Variants in ZNRF3 observed in about 807,000 individuals in gnomAD.
ZNRF3 encodes zinc and ring finger 3.
A neutral mutation model predicts 72.5 loss-of-function variants in ZNRF3; 23 were observed. The ratio of observed to expected loss-of-function variants is 0.32; its 90% CI spans 0.23 to 0.45. The LOEUF is 0.45. ZNRF3 is among the 20% of genes least tolerant of loss of function. ZNRF3 has a pLI of 1.00. For synonymous variants in ZNRF3, 610 were observed against 545.3 expected, an observed-to-expected ratio of 1.12 and a Z score of -1.65; for missense variants, 1,169 against 1,272.1, an observed-to-expected ratio of 0.92 and a Z score of 1.23.
chr22:28,998,952 A>G (rs964694478), intron 2 of ZNRF3, among the ~76,000 whole-genome samples: 2 of 152,144 alleles, frequency 1.3e-5, no homozygotes, highest in Non-Finnish European at 2.9e-5. Flanking sequence ...TCTTGATGCA[A>G]CAAGGGTCAC....
At chr22:28,948,341 A>T (rs1285649215) in intron 1 of ZNRF3, among the ~76,000 whole-genome samples, 9 of 150,976 alleles carry the variant, frequency 6.0e-5, no homozygotes, top group African/African-American at 9.8e-5. Flanking sequence ...TTTAAAAAAA[A>T]TTTTTGTAGA....
At chr22:28,894,504 T>C (rs1427254472) in intron 1 of ZNRF3, among the ~76,000 whole-genome samples, 2 of 152,062 alleles carry the variant, frequency 1.3e-5, no homozygotes, top group African/African-American at 2.4e-5. Context: ...ACGGCGTCTG[T>C]CCAGGCAGAT....
At chr22:28,937,412 T>G (rs1289811286) in intron 1 of ZNRF3, among the ~76,000 whole-genome samples, 1 of 151,822 alleles carries the variant, frequency 6.6e-6, no homozygotes, top group African/African-American at 2.4e-5. Flanking sequence ...GTGCACGTAC[T>G]GTGTTTGGGC....
chr22:28,977,735 C>T (rs942608883), intron 1 of ZNRF3, among the ~76,000 whole-genome samples: 6 of 152,194 alleles, frequency 3.9e-5, no homozygotes, highest in Non-Finnish European at 7.3e-5. Context: ...TAGAAGCAGG[C>T]GGCTCTTTTG....
chr22:28,947,458 T>G (rs1038332751), intron 1 of ZNRF3, among the ~76,000 whole-genome samples: 5 of 152,242 alleles, frequency 3.3e-5, no homozygotes, highest in African/African-American at 1.2e-4. Context: ...CTATACCATT[T>G]TACATTTCCC....
intron 8 of ZNRF3, 33 bp downstream of exon 8, chr22:29,050,981 G>A: frequency 1.3e-6 from 2 of 1,497,164 alleles, no homozygotes; most frequent in South Asian, 2.7e-5. Flanking sequence ...GGTCAGAGCA[G>A]GAGTTTCCAT....
chr22:28,902,041 A>G (rs752098439), intron 1 of ZNRF3, among the ~76,000 whole-genome samples: 6 of 150,238 alleles, frequency 4.0e-5, no homozygotes, highest in Non-Finnish European at 7.4e-5. Flanking sequence ...GGCTCAAGCA[A>G]TTCTCCTGCC....
At chr22:28,948,904 T>C (rs1425334541) in intron 1 of ZNRF3, among the ~76,000 whole-genome samples, 17 of 152,242 alleles carry the variant, frequency 1.1e-4, no homozygotes, top group African/African-American at 3.6e-4. Context: ...TTAGAAAATA[T>C]TGATTCACTT....
chr22:28,956,812 G>C (rs926015249), intron 1 of ZNRF3, among the ~76,000 whole-genome samples: 1 of 152,096 alleles, frequency 6.6e-6, no homozygotes, highest in Non-Finnish European at 1.5e-5. Context: ...TCATGCCCTG[G>C]GTATAAACAG....
chr22:29,008,968 C>T (rs73882424), intron 2 of ZNRF3, among the ~76,000 whole-genome samples: 2,227 of 152,210 alleles, frequency 0.015, 60 homozygotes, highest in African/African-American at 0.052. Context: ...GCTTGTGTCT[C>T]AAAACTAGAG....
At chr22:28,951,576 C>A (rs2035161473) in intron 1 of ZNRF3, among the ~76,000 whole-genome samples, 1 of 152,170 alleles carries the variant, frequency 6.6e-6, no homozygotes, top group Admixed American at 6.5e-5. Flanking sequence ...TTTTGGACTT[C>A]TAGTCTCAAC....
intron 2 of ZNRF3, among the ~76,000 whole-genome samples, chr22:29,021,962 C>T (rs988567472): frequency 6.6e-6 from 1 of 152,088 alleles, no homozygotes; most frequent in African/African-American, 2.4e-5. Flanking sequence ...TCACTCCCCC[C>T]ACATTCCCTC....
chr22:28,893,090 C>T (rs1056933011), intron 1 of ZNRF3, among the ~76,000 whole-genome samples: 1 of 151,974 alleles, frequency 6.6e-6, no homozygotes, highest in African/African-American at 2.4e-5. Flanking sequence ...TGGTGTGAAC[C>T]CGGCAGGTGG....
At chr22:29,000,972 G>A (rs140712450) in intron 2 of ZNRF3, among the ~76,000 whole-genome samples, 1 of 150,038 alleles carries the variant, frequency 6.7e-6, no homozygotes, top group East Asian at 2.0e-4. Context: ...ATTATTTTTT[G>A]TAGAGAGAAG....
chr22:28,927,471 C>T (rs2034625372), intron 1 of ZNRF3, among the ~76,000 whole-genome samples: 1 of 152,192 alleles, frequency 6.6e-6, no homozygotes, highest in East Asian at 1.9e-4. Context: ...ATTAAATGAG[C>T]ATGTTTTGCA....
intron 1 of ZNRF3, among the ~76,000 whole-genome samples, chr22:28,965,268 C>T (rs1048259636): frequency 1.3e-5 from 2 of 152,204 alleles, no homozygotes; most frequent in Non-Finnish European, 2.9e-5. Context: ...CCATAGCCGT[C>T]CCCGACACAA....
chr22:29,010,201 A>T (rs4404379), intron 2 of ZNRF3, among the ~76,000 whole-genome samples: 422 of 151,730 alleles, frequency 2.8e-3, no homozygotes, highest in African/African-American at 9.8e-3. Flanking sequence ...GAGCCACCGC[A>T]CCCAGCCCCT....
chr22:28,914,965 T>A (rs766585758), intron 1 of ZNRF3, among the ~76,000 whole-genome samples: 21 of 152,160 alleles, frequency 1.4e-4, no homozygotes, highest in Non-Finnish European at 2.2e-4. Flanking sequence ...TTAGCCTTAG[T>A]TCAGGACCCA....
chr22:28,945,703 T>A (rs2035042008), intron 1 of ZNRF3, among the ~76,000 whole-genome samples: 2 of 152,048 alleles, frequency 1.3e-5, no homozygotes, highest in South Asian at 4.2e-4. Context: ...CTAATTTTTG[T>A]ACTTTTAGTA....
Sources: allele counts gnomAD v4.1 joint callset (sites outside exome capture counted in the v4.1 genomes callset), GRCh38; gene constraint gnomAD v4.1.1; transcripts MANE v1.5; gene names NCBI Gene and HGNC (gene_info 2026-07-23, HGNC 2026-07-21).